The following MYCBPAP variants were observed in gnomAD, a reference collection of about 807,000 sequenced individuals.
MYCBPAP encodes the protein MYCBP associated protein, also known as MYCBP-associated protein.
Under a neutral mutation model 106.1 loss-of-function variants are expected in MYCBPAP, and 60 were observed. The observed-to-expected ratio is 0.57, with a 90% confidence interval of 0.46 to 0.70. MYCBPAP has a LOEUF of 0.70. Among genes scored for constraint, MYCBPAP ranks in the 30% least tolerant of loss-of-function variants. The pLI, the probability that MYCBPAP is intolerant of heterozygous loss-of-function variation, is 0.00. For synonymous variants in MYCBPAP, 407 were observed against 440.6 expected, an observed-to-expected ratio of 0.92 and a Z score of 0.95; for missense variants, 1,064 against 1,169.3, an observed-to-expected ratio of 0.91 and a Z score of 1.31.
chr17:50,508,251 C>T (rs1273868551), upstream of MYCBPAP: 1 of 333,644 alleles, frequency 3.0e-6, no homozygotes, highest in Non-Finnish European at 5.4e-6. Flanking sequence ...GCCCCACCCG[C>T]CCCCCGTGGC....
intron 12 of MYCBPAP, among the ~76,000 whole-genome samples, 160 bp from the exon 13 acceptor site, chr17:50,524,711 CGTGTGT>C (rs1555621272): frequency 7.2e-6 from 1 of 138,846 alleles, no homozygotes. Context: ...TTAGAACAGG[CGTGTGT>C]GTGTGTGTGT....
At chr17:50,522,709 A>AAAAAAAATATATATATATATATATATAT in intron 10 of MYCBPAP, 1 of 50,038 alleles carries the variant, frequency 2.0e-5, no homozygotes, top group South Asian at 7.9e-4. Context: ...AAAAAAAAAA[A>AAAAAAAATATATATATATATATATATAT]ATATATATAT....
At chr17:50,521,499 C>T (rs1206733396) in intron 9 of MYCBPAP, 68 bp downstream of exon 9, 11 of 1,225,544 alleles carry the variant, frequency 9.0e-6, no homozygotes, top group East Asian at 5.1e-5. Context: ...TATTAAAGAG[C>T]GGGCTTCCCT....
At position 50,528,897 on chromosome 17, in the gene MYCBPAP, C is replaced by CGGAGGTGGGGGCTGT. The variant is rs887139240; in HGVS notation, c.2553+67_2553+81dup. The CGGAGGTGGGGGCTGT allele has an allele frequency of 7.6e-4, 1,204 of 1,578,730 alleles. 12 individuals are homozygous for CGGAGGTGGGGGCTGT. In the African/African-American group the frequency reaches 0.014, roughly 19 times the overall value. On this transcript the variant is annotated intron_variant, in intron 17 of 18. Coordinates refer to ENST00000323776, the MANE Select transcript of MYCBPAP (RefSeq NM_032133.6). ...GCTGGGGAGGGGATTGGAGGGGCTG[C>CGGAGGTGGGGGCTGT]GGAGGTGGGGGCTGTGGAGGTGGGC...
At chr17:50,515,709 T>A (rs781750075) in intron 1 of MYCBPAP, 4 of 152,222 alleles carry the variant, frequency 2.6e-5, no homozygotes, top group Non-Finnish European at 4.4e-5. Flanking sequence ...TGGGAACCAC[T>A]GATTTAGTCC....
chr17:50,510,499 G>GTATGTGTGTATATATATATA (rs1555618059), intron 1 of MYCBPAP: 1 of 76,414 alleles, frequency 1.3e-5, no homozygotes, highest in African/African-American at 4.6e-5. Flanking sequence ...GTGTGTGTGT[G>GTATGTGTGTATATATATATA]TATATATATA....
rs1597844632 is a variant in MYCBPAP, at chr17:50,525,942, T to G, written c.1844T>G (p.Leu615Arg). 1.9e-6 allele frequency: 3 copies of G among 1,613,554 alleles called. No homozygotes were observed. In the East Asian group the frequency reaches 6.7e-5, roughly 36 times the overall value. ...LHQLWRQYMT[L>R]PAKAEEARPG... ...CAACTGTGGCGCCAGTACATGACCC[T>G]GCCCGCCAAGGCTGAGGAGGCCAGG... The change falls in exon 14 of 19, where the codon CTG becomes CGG. Residue 615 changes from leucine to arginine, a missense_variant. Physicochemically the swap from Leu to Arg is moderately radical, Grantham distance 102. Transcript: ENST00000323776.
chr17:50,519,244 T>C (rs1203223298), intron 6 of MYCBPAP, among the ~76,000 whole-genome samples, 155 bp downstream of exon 6: 2 of 152,246 alleles, frequency 1.3e-5, no homozygotes, highest in African/African-American at 2.4e-5. Context: ...TCAAGGCCTT[T>C]ACTAAATTAT....
At chr17:50,511,195 G>A (rs949481888) in intron 1 of MYCBPAP, among the ~76,000 whole-genome samples, 1 of 151,806 alleles carries the variant, frequency 6.6e-6, no homozygotes. Context: ...TTGTAACCTT[G>A]TGCGATGTTT....
chr17:50,521,833 G>A (rs568969708), intron 9 of MYCBPAP, 140 bp from the exon 10 acceptor site: 10 of 684,942 alleles, frequency 1.5e-5, no homozygotes, highest in South Asian at 8.7e-5. Context: ...AGGAAGCTGC[G>A]TGGGAGTGGA....
chr17:50,514,367 A>G (rs1418035852), intron 1 of MYCBPAP, among the ~76,000 whole-genome samples: 1 of 152,186 alleles, frequency 6.6e-6, no homozygotes, highest in East Asian at 1.9e-4. Context: ...GATAAAACCA[A>G]ATTTTGTTTT....
At chr17:50,528,923 A>C (rs1165085728) in intron 17 of MYCBPAP, 83 bp downstream of exon 17, 15 of 1,598,130 alleles carry the variant, frequency 9.4e-6, no homozygotes, top group Non-Finnish European at 1.2e-5. Flanking sequence ...GGAGGTGGGC[A>C]TGTGCCCAGG....
chr17:50,521,511 C>T, intron 9 of MYCBPAP, 80 bp downstream of exon 9: 1 of 1,114,866 alleles, frequency 9.0e-7, no homozygotes, highest in Non-Finnish European at 1.3e-6. Flanking sequence ...GGCTTCCCTC[C>T]CTGAGATCAG....
chr17:50,531,453 G>T lies in MYCBPAP; in HGVS notation c.*25G>T, dbSNP rs913583617. 1.3e-6 allele frequency: 2 copies of T among 1,543,472 alleles called. No homozygotes were observed. Among genetic ancestry groups the T allele is most frequent in the African/African-American group, 2.8e-5 (2 of 72,114 alleles). ...ACTCTCGGGCCCAAGCAACCTTCTG[G>T]AAAACGGGTTAATAAATAAATCAAT... On this transcript the variant is annotated 3_prime_UTR_variant, in exon 19 of 19. Coordinates refer to ENST00000323776, the MANE Select transcript of MYCBPAP (RefSeq NM_032133.6).
At chr17:50,526,999 G>C (rs1373403255) in intron 14 of MYCBPAP, among the ~76,000 whole-genome samples, 1 of 152,248 alleles carries the variant, frequency 6.6e-6, no homozygotes, top group Non-Finnish European at 1.5e-5. Context: ...ATAGGCGTGA[G>C]CCACTGTGCC....
In MYCBPAP at chr17:50,523,696, CT is replaced by C. The variant is rs1337842983; in HGVS notation, c.1548del (p.Leu517TyrfsTer2). On this transcript the variant is annotated frameshift_variant, in exon 12 of 19. Coordinates refer to ENST00000323776, the MANE Select transcript of MYCBPAP (RefSeq NM_032133.6). LOFTEE classifies it high-confidence loss of function. ...REFWEFRTHPTLLGGAILQVN... is the reference protein window; with the variant it reads ...REFWEFRTHPXLLGGAILQVN... ...TTTTGGGAGTTTCGAACCCATCCTA[CT>C]CTATTAGGAGGTGCTATACTGCAGG... is the stretch of plus-strand genomic sequence containing the variant. The C allele has an allele frequency of 5.0e-6, 8 of 1,614,176 alleles. No homozygotes were observed. The highest frequency in any genetic ancestry group is 6.8e-6 in the Non-Finnish European group (8 of 1,180,024).
Position 50,517,466 on chromosome 17 carries a change from C to G in MYCBPAP, c.364+14C>G, listed in dbSNP as rs1280523342. The G allele has an allele frequency of 1.9e-6, 3 of 1,614,108 alleles. No homozygotes were observed. Among genetic ancestry groups the G allele is most frequent in the East Asian group, 2.2e-5 (1 of 44,894 alleles). On this transcript the variant is annotated intron_variant, in intron 3 of 18. Transcript: ENST00000323776. ...TGGACTACTCCGGTACACCCAGTCT[C>G]AGCCCTGGCTTCACTGTCTTTCAAC... is the stretch of plus-strand genomic sequence containing the variant.
chr17:50,516,245 C>T (rs899911275), intron 1 of MYCBPAP, among the ~76,000 whole-genome samples: 1 of 152,208 alleles, frequency 6.6e-6, no homozygotes, highest in South Asian at 2.1e-4. Flanking sequence ...CTGTGTCAGC[C>T]TCCTAAAGTG....
At chr17:50,521,039 G>A in intron 7 of MYCBPAP, 71 bp from the exon 8 acceptor site, 3 of 1,232,158 alleles carry the variant, frequency 2.4e-6, no homozygotes, top group Non-Finnish European at 3.5e-6. Flanking sequence ...CACTCTCAGA[G>A]CCCTTGAGAA....
Sources: allele counts gnomAD v4.1 joint callset (sites outside exome capture counted in the v4.1 genomes callset), GRCh38; gene constraint gnomAD v4.1.1; transcripts MANE v1.5; gene names NCBI Gene and HGNC (gene_info 2026-07-23, HGNC 2026-07-21).